Variants in MID1 observed in about 807,000 individuals in gnomAD.
The protein encoded by MID1 is midline 1.
A neutral mutation model predicts 40.4 loss-of-function variants in MID1; 7 were observed. That is an observed-to-expected ratio of 0.17 (90% CI 0.10 to 0.33). The LOEUF is 0.33. Among genes scored for constraint, MID1 ranks in the 10% least tolerant of loss-of-function variants. MID1 has a pLI of 1.00. For missense variants in MID1, 367 were observed against 558.5 expected (o/e 0.66, Z 3.46); for synonymous variants, 229 against 221.2 (o/e 1.04, Z -0.31).
intron 1 of MID1, among the ~76,000 whole-genome samples, chrX:10,666,902 A>T (rs142707618): frequency 3.7e-3 from 417 of 112,050 alleles, no homozygotes; most frequent in African/African-American, 0.013. Context: ...TCATTTAGGT[A>T]TAAGGAATTT....
At chrX:10,677,468 T>C (rs1216422673) in intron 1 of MID1, 1 of 112,601 alleles carries the variant, frequency 8.9e-6, no homozygotes, top group East Asian at 2.8e-4. Flanking sequence ...GACTTACCTT[T>C]TTATTACGTC....
At chrX:10,513,142 G>A (rs1445419378) in intron 3 of MID1, among the ~76,000 whole-genome samples, 4 of 112,088 alleles carry the variant, frequency 3.6e-5, no homozygotes, top group Non-Finnish European at 5.6e-5. Context: ...GAAGTCAACC[G>A]AATCAGGTAA....
intron 1 of MID1, among the ~76,000 whole-genome samples, chrX:10,577,258 A>G (rs1346789873): frequency 3.6e-5 from 4 of 111,690 alleles, no homozygotes; most frequent in Non-Finnish European, 7.5e-5. Context: ...AATGCCACCA[A>G]TAGGAGCCGT....
At chrX:10,583,440 T>C (rs1265534888) in intron 1 of MID1, among the ~76,000 whole-genome samples, 2 of 112,027 alleles carry the variant, frequency 1.8e-5, no homozygotes, top group East Asian at 5.6e-4. Context: ...TAAAACTTTC[T>C]GGTGTTTGGT....
intron 1 of MID1, among the ~76,000 whole-genome samples, chrX:10,740,114 A>T (rs1387294321): frequency 9.0e-6 from 1 of 111,387 alleles, no homozygotes; most frequent in Non-Finnish European, 1.9e-5. Context: ...TTCTAGAACC[A>T]TAGCACCATC....
At chrX:10,514,446 G>T (rs1171507121) in intron 3 of MID1, among the ~76,000 whole-genome samples, 2 of 111,821 alleles carry the variant, frequency 1.8e-5, no homozygotes, top group African/African-American at 6.5e-5. Flanking sequence ...TCCAATGCCT[G>T]TTATGAATCA....
intron 1 of MID1, among the ~76,000 whole-genome samples, chrX:10,721,908 A>G (rs747864640): frequency 9.0e-6 from 1 of 110,571 alleles, no homozygotes; most frequent in Admixed American, 9.7e-5. Flanking sequence ...TGTCACTACA[A>G]AAAGAGAAGA....
chrX:10,833,315 T>G (rs1298484801), intron 1 of MID1, among the ~76,000 whole-genome samples: 1 of 112,020 alleles, frequency 8.9e-6, no homozygotes, highest in Non-Finnish European at 1.9e-5. Context: ...TAGAAACGCT[T>G]GCCTAGGAAA....
intron 1 of MID1, among the ~76,000 whole-genome samples, chrX:10,716,265 G>A (rs937608753): frequency 3.6e-5 from 4 of 111,673 alleles, no homozygotes; most frequent in African/African-American, 1.3e-4. Context: ...GAGGAAGTTC[G>A]AACCCATGGC....
rs1602304051 is a variant in MID1 at position 10,495,641 on chromosome X, G to A, written c.807C>T (p.Leu269=). ...EAKLTEECDL[L]IEIIQQRRQI... ...GTCGTCTTTGCTGAATGATCTCAAT[G>A]AGAAGATCACACTCCTCTGTCAATT... The change falls in exon 4 of 10, where the codon CTC becomes CTT. Residue 269 remains leucine (L), a synonymous_variant. Coordinates refer to ENST00000317552, the MANE Select transcript of MID1 (RefSeq NM_000381.4). The A allele has an allele frequency of 1.7e-6, 2 of 1,210,121 alleles. No individual in the cohort carries two copies. The highest frequency in any genetic ancestry group is 1.8e-5 in the South Asian group (1 of 56,956).
chrX:10,501,472 C>A, intron 3 of MID1: 2 of 1,153,210 alleles, frequency 1.7e-6, no homozygotes, highest in Middle Eastern at 4.6e-4. Flanking sequence ...ATCAGTCTTG[C>A]CTGTAGGGAG....
At chrX:10,755,549 A>G (rs998922522) in intron 1 of MID1, among the ~76,000 whole-genome samples, 5 of 112,339 alleles carry the variant, frequency 4.5e-5, no homozygotes, top group African/African-American at 1.6e-4. Context: ...GGTAAAAGGC[A>G]GACTACAGCA....
chrX:10,572,420 G>A (rs1051430132), intron 1 of MID1, among the ~76,000 whole-genome samples: 4 of 109,453 alleles, frequency 3.7e-5, no homozygotes, highest in African/African-American at 1.0e-4. Flanking sequence ...GTGTGGTGGC[G>A]TGCGCCTGTG....
At chrX:10,807,257 T>A (rs1252201102) in intron 1 of MID1, among the ~76,000 whole-genome samples, 2 of 110,822 alleles carry the variant, frequency 1.8e-5, no homozygotes, top group Admixed American at 9.6e-5. Flanking sequence ...AAAAAAAAAA[T>A]TAGTTCTGGG....
chrX:10,613,042 G>A (rs906524757), intron 1 of MID1, among the ~76,000 whole-genome samples: 3 of 111,589 alleles, frequency 2.7e-5, no homozygotes, highest in Admixed American at 9.5e-5. Context: ...TGGTGGTGCC[G>A]TCCATCTATA....
At chrX:10,757,743 T>G (rs1188413134) in intron 1 of MID1, among the ~76,000 whole-genome samples, 1 of 111,493 alleles carries the variant, frequency 9.0e-6, no homozygotes, top group African/African-American at 3.3e-5. Flanking sequence ...GAAATGGAAC[T>G]CTATCGAAAT....
intron 1 of MID1, among the ~76,000 whole-genome samples, chrX:10,608,604 G>A (rs1935669021): frequency 9.0e-6 from 1 of 111,281 alleles, no homozygotes; most frequent in African/African-American, 3.3e-5. Context: ...TGGGTAAAGG[G>A]TGCAGACTGC....
chrX:10,489,696 G>GTTTTTTTT (rs778434207), intron 4 of MID1, among the ~76,000 whole-genome samples: 2 of 95,512 alleles, frequency 2.1e-5, no homozygotes, highest in African/African-American at 7.8e-5. Context: ...TATTTTCAAA[G>GTTTTTTTT]TTTTTTTTTT....
intron 1 of MID1, among the ~76,000 whole-genome samples, chrX:10,602,496 G>A (rs768459979): frequency 9.1e-6 from 1 of 109,793 alleles, no homozygotes. Flanking sequence ...CCTATCCCCC[G>A]GCAACCACGA....
Sources: allele counts gnomAD v4.1 joint callset (sites outside exome capture counted in the v4.1 genomes callset), GRCh38; gene constraint gnomAD v4.1.1; transcripts MANE v1.5; gene names NCBI Gene and HGNC (gene_info 2026-07-23, HGNC 2026-07-21).